The following SLC22A5 variants were observed in gnomAD, a reference collection of about 807,000 sequenced individuals.
SLC22A5 encodes the protein solute carrier family 22 member 5, also known as organic cation/carnitine transporter 2.
In SLC22A5, 44 loss-of-function variants were observed where a neutral mutation model predicts 56.7. The ratio of observed to expected loss-of-function variants is 0.78; its 90% CI spans 0.61 to 1.00. The LOEUF is 1.00. Among genes scored for constraint, SLC22A5 ranks in the 50% least tolerant of loss-of-function variants. The pLI, the probability that SLC22A5 is intolerant of heterozygous loss-of-function variation, is 0.00. For missense variants in SLC22A5, 675 were observed against 723.0 expected (o/e 0.93, Z 0.76); for synonymous variants, 278 against 292.1 (o/e 0.95, Z 0.49).
At chr5:132,388,175 G>A (rs1471324492) in intron 5 of SLC22A5, among the ~76,000 whole-genome samples, 1 of 152,216 alleles carries the variant, frequency 6.6e-6, no homozygotes, top group Non-Finnish European at 1.5e-5. Context: ...GGTTTTGGGG[G>A]CTTTTAAGTG....
Position 132,393,665 on chromosome 5 carries a change from C to T in SLC22A5, c.1451-11C>T. The T allele has an allele frequency of 6.2e-7, 1 of 1,614,126 alleles. No individual in the cohort carries two copies. Among genetic ancestry groups the T allele is most frequent in the Non-Finnish European group, 8.5e-7 (1 of 1,179,972 alleles). ...AGCCCTGGGCCTGAGGCTCCGTCTG[C>T]TTTGCCATAGGTGCCTACGACCGCT... is the stretch of plus-strand genomic sequence containing the variant. On this transcript the variant is annotated splice_polypyrimidine_tract_variant and intron_variant, in intron 8 of 9. Transcript: ENST00000245407.
chr5:132,369,905 G>A lies in SLC22A5; in HGVS notation c.-68G>A, dbSNP rs1408000051. 8 of 1,579,362 alleles carry A rather than the reference G, an allele frequency of 5.1e-6. No homozygotes were observed. The highest frequency in any genetic ancestry group is 2.2e-4 in the Middle Eastern group (1 of 4,522). ...TTGCCTGGTCGGCGGCGGGTGCCCC[G>A]CGCGCACGCGCAAAGCCCGCCGCGT... On this transcript the variant is annotated 5_prime_UTR_variant, in exon 1 of 10. Coordinates refer to ENST00000245407, the MANE Select transcript of SLC22A5 (RefSeq NM_003060.4).
chr5:132,373,062 G>A (rs144184327), intron 1 of SLC22A5, among the ~76,000 whole-genome samples: 71 of 152,214 alleles, frequency 4.7e-4, no homozygotes, highest in African/African-American at 1.5e-3. Flanking sequence ...AGATCTTTGC[G>A]TCTTCCTCAA....
intron 1 of SLC22A5, among the ~76,000 whole-genome samples, chr5:132,371,748 A>G (rs934504674): frequency 6.6e-6 from 1 of 152,102 alleles, no homozygotes; most frequent in African/African-American, 2.4e-5. Flanking sequence ...TGCAGCAGCA[A>G]GAAACCACCC....
At position 132,369,820 on chromosome 5, in the gene SLC22A5, G is replaced by A; in HGVS notation, c.-153G>A. The A allele has an allele frequency of 1.1e-6, 1 of 948,832 alleles. No homozygotes were observed. 58.8% of individuals were successfully genotyped at this position (948,832 alleles called of 1,614,324 possible). On this transcript the variant is annotated 5_prime_UTR_variant, in exon 1 of 10. Transcript: ENST00000245407. ...AGGCCAGCCGCGGCAGGACCAAGGCGGCGGTGTCAGCTCGCGAGCCTACCC... is the reference window on the plus strand; with the variant it reads ...AGGCCAGCCGCGGCAGGACCAAGGCAGCGGTGTCAGCTCGCGAGCCTACCC...
At chr5:132,390,435 CT>C in intron 6 of SLC22A5, 1 of 544,380 alleles carries the variant, frequency 1.8e-6, no homozygotes, top group Non-Finnish European at 3.3e-6. Context: ...ATTATACAAG[CT>C]TTTTTGCTGG....
Position 132,370,196 on chromosome 5 carries a change from G to C in SLC22A5, c.224G>C (p.Arg75Pro), listed in dbSNP as rs757711838. The change falls in exon 1 of 10, where the codon CGC (arginine) becomes CCC (proline). Residue 75 changes from arginine to proline, a missense_variant. Transcript: ENST00000245407. ...GTCCCACTGCGGCTGCGGGACGGCCGCGAGGTGCCCCACAGCTGCCGCCGC... is the reference window on the plus strand; with the variant it reads ...GTCCCACTGCGGCTGCGGGACGGCCCCGAGGTGCCCCACAGCTGCCGCCGC... ...HTVPLRLRDG[R>P]EVPHSCRRYR... The C allele has an allele frequency of 9.4e-6, 15 of 1,592,654 alleles. No homozygotes were observed. The highest frequency in any genetic ancestry group is 1.3e-5 in the Non-Finnish European group (15 of 1,170,006).
chr5:132,384,205 C>T lies in SLC22A5; in HGVS notation c.556C>T (p.Leu186=), dbSNP rs569496252. The part of the protein sequence containing the change: ...TMGMQTGFSF[L]QIFSKNFEMF... Reference sequence around the variant, plus strand: ...GGGCATGCAGACAGGCTTCAGCTTCCTGCAGATCTTCTCGAAGAATTTTGA... The same window carrying T: ...GGGCATGCAGACAGGCTTCAGCTTCTTGCAGATCTTCTCGAAGAATTTTGA... Residue 186 remains leucine (L), a synonymous_variant, in exon 3 of 10, where the codon CTG becomes TTG. Coordinates refer to ENST00000245407, the MANE Select transcript of SLC22A5 (RefSeq NM_003060.4). 3.6e-5 allele frequency: 58 copies of T among 1,614,250 alleles called. No homozygotes were observed. In the South Asian group the frequency reaches 5.9e-4, roughly 17 times the overall value.
At chr5:132,386,205 TTTTTTCTTTTC>T (rs761448117) in intron 4 of SLC22A5, among the ~76,000 whole-genome samples, 23 of 148,182 alleles carry the variant, frequency 1.6e-4, no homozygotes, top group African/African-American at 4.4e-4. Context: ...TTTTTTTCCT[TTTTTTCTTTTC>T]TTTTTCTTTT....
In SLC22A5 at chr5:132,394,403, G is replaced by C; in HGVS notation, c.*131G>C. ...TGTCCTCTTGACCTGTGTCTGACTT[G>C]CTCCTGGATGGGCACCCACACTCAG... On this transcript the variant is annotated 3_prime_UTR_variant, in exon 10 of 10. Coordinates refer to ENST00000245407, the MANE Select transcript of SLC22A5 (RefSeq NM_003060.4). 2 of 781,524 alleles carry C rather than the reference G, an allele frequency of 2.6e-6. No homozygotes were observed. Among genetic ancestry groups the C allele is most frequent in the Non-Finnish European group, 4.6e-6 (2 of 434,012 alleles). 48.4% of individuals were successfully genotyped at this position (781,524 alleles called of 1,614,324 possible). A position where few individuals can be genotyped will look rare whatever the true frequency, so the allele number is the denominator to read the frequency against.
At position 132,394,304 on chromosome 5, in the gene SLC22A5, G is replaced by GA. The variant is rs766918304; in HGVS notation, c.*35dup. On this transcript the variant is annotated 3_prime_UTR_variant, in exon 10 of 10. Transcript: ENST00000245407. ...TTCCAGTAAGGGAGAAACTGAAGAG[G>GA]AAAGACTGTCTTGCCAGAAATGGCC... The GA allele has an allele frequency of 1.6e-5, 24 of 1,489,946 alleles. No homozygotes were observed. In the East Asian group the frequency reaches 5.2e-4, roughly 32 times the overall value. 92.3% of individuals were successfully genotyped at this position (1,489,946 alleles called of 1,614,324 possible).
chr5:132,388,778 T>C, intron 5 of SLC22A5, 143 bp from the exon 6 acceptor site: 1 of 699,906 alleles, frequency 1.4e-6, no homozygotes, highest in Non-Finnish European at 2.6e-6. Flanking sequence ...ACACAGTCAG[T>C]ATACTTACTG....
chr5:132,391,664 G>A (rs1485289348), intron 7 of SLC22A5, among the ~76,000 whole-genome samples: 1 of 152,172 alleles, frequency 6.6e-6, no homozygotes, highest in Non-Finnish European at 1.5e-5. Flanking sequence ...GCCTTAGCAG[G>A]ATTTTATTTC....
At chr5:132,383,992 G>A (rs2126781951) in intron 2 of SLC22A5, 155 bp from the exon 3 acceptor site, 1 of 745,384 alleles carries the variant, frequency 1.3e-6, no homozygotes, top group South Asian at 1.5e-5. Flanking sequence ...AATAGCATGG[G>A]CACTGTGAGA....
chr5:132,393,639 C>T, intron 8 of SLC22A5, 37 bp from the exon 9 acceptor site: 1 of 1,613,208 alleles, frequency 6.2e-7, no homozygotes, highest in Non-Finnish European at 8.5e-7. Flanking sequence ...AGTCTAACTG[C>T]AGCCCTGGGC....
intron 2 of SLC22A5, chr5:132,381,210 C>G (rs183898): frequency 0.29 from 43,554 of 152,100 alleles, 6,960 homozygotes; most frequent in South Asian, 0.56. Context: ...CCCAGGGAAA[C>G]TGGAAACAAA....
In SLC22A5 at chr5:132,394,985, T is replaced by C. The variant is rs1382378133; in HGVS notation, c.*713T>C. 6.6e-6 allele frequency: 1 copy of C among 152,470 alleles called. No homozygotes were observed. The highest frequency in any genetic ancestry group is 1.5e-5 in the Non-Finnish European group (1 of 68,130). 9.4% of individuals were successfully genotyped at this position (152,470 alleles called of 1,614,324 possible). A position where few individuals can be genotyped will look rare whatever the true frequency, so the allele number is the denominator to read the frequency against. On this transcript the variant is annotated 3_prime_UTR_variant, in exon 10 of 10. Coordinates refer to ENST00000245407, the MANE Select transcript of SLC22A5 (RefSeq NM_003060.4). ...AATGCTCCATTGAATCTACTATTCTTGTTTTCCACTGCTGTGGAAACCTCC... is the reference window on the plus strand; with the variant it reads ...AATGCTCCATTGAATCTACTATTCTCGTTTTCCACTGCTGTGGAAACCTCC...
intron 1 of SLC22A5, chr5:132,376,086 G>C (rs1335470350): frequency 2.6e-5 from 4 of 152,246 alleles, no homozygotes; most frequent in African/African-American, 9.7e-5. Flanking sequence ...TTCTCAGGGA[G>C]ATTCTGGCCA....
At position 132,369,740 on chromosome 5, in the gene SLC22A5, G is replaced by A. The variant is rs994167201; in HGVS notation, c.-233G>A. ...CGCCGGCGCCGCTCTGCCTGCCAGC[G>A]GGGCGCGCCTTGCGGCCCAGGCCCG... is the stretch of plus-strand genomic sequence containing the variant. On this transcript the variant is annotated 5_prime_UTR_variant, in exon 1 of 10. Transcript: ENST00000245407. 3.4e-5 allele frequency: 16 copies of A among 476,986 alleles called. No individual in the cohort carries two copies. The highest frequency in any genetic ancestry group is 3.3e-4 in the African/African-American group (16 of 48,932). 29.5% of individuals were successfully genotyped at this position (476,986 alleles called of 1,614,324 possible). A position where few individuals can be genotyped will look rare whatever the true frequency, so the allele number is the denominator to read the frequency against.
Sources: allele counts gnomAD v4.1 joint callset (sites outside exome capture counted in the v4.1 genomes callset), GRCh38; gene constraint gnomAD v4.1.1; transcripts MANE v1.5; gene names NCBI Gene and HGNC (gene_info 2026-07-23, HGNC 2026-07-21).